TG: variants seen among roughly 807,000 people sequenced by gnomAD.
TG encodes thyroid hormones.
A neutral mutation model predicts 324.7 loss-of-function variants in TG; 270 were observed. The ratio of observed to expected loss-of-function variants is 0.83; its 90% CI spans 0.75 to 0.92. TG has a LOEUF of 0.92. Ranked by LOEUF, TG falls within the 40% of genes least tolerant of loss-of-function variation. The pLI is 0.00. For synonymous variants in TG, 1,401 were observed against 1,327.0 expected (o/e 1.06, Z -1.21); for missense variants, 3,591 against 3,456.4 (o/e 1.04, Z -0.98).
intron 40 of TG, among the ~76,000 whole-genome samples, chr8:133,022,656 T>C (rs1835666853): frequency 6.6e-6 from 1 of 152,130 alleles, no homozygotes. Context: ...GGCCTGTCCC[T>C]CATCACAAAC....
intron 35 of TG, among the ~76,000 whole-genome samples, chr8:133,003,822 G>T (rs1833783542): frequency 6.6e-6 from 1 of 152,098 alleles, no homozygotes; most frequent in African/African-American, 2.4e-5. Context: ...AGCAGCTCTG[G>T]TTTGCAGGGG....
At chr8:133,119,821 T>C (rs1191927017) in intron 45 of TG, among the ~76,000 whole-genome samples, 1 of 152,222 alleles carries the variant, frequency 6.6e-6, no homozygotes, top group Non-Finnish European at 1.5e-5. Flanking sequence ...GCCTCAGAAC[T>C]CTTTCCACTC....
At chr8:133,064,444 G>A (rs1157000772) in intron 41 of TG, among the ~76,000 whole-genome samples, 1 of 152,172 alleles carries the variant, frequency 6.6e-6, no homozygotes, top group Non-Finnish European at 1.5e-5. Flanking sequence ...CATTCCCAAG[G>A]GCAGATACTC....
intron 41 of TG, among the ~76,000 whole-genome samples, chr8:133,052,387 A>G (rs1840577331): frequency 1.3e-5 from 2 of 152,356 alleles, no homozygotes; most frequent in South Asian, 4.1e-4. Flanking sequence ...TGGGTGTAAG[A>G]CAGAAACCAA....
chr8:133,003,546 CA>C (rs1426887561), intron 35 of TG, among the ~76,000 whole-genome samples: 4 of 151,994 alleles, frequency 2.6e-5, no homozygotes, highest in Admixed American at 2.6e-4. Context: ...ATACATATAT[CA>C]TAACCTTGTA....
chr8:133,022,021 C>T lies in TG; in HGVS notation c.6907C>T (p.His2303Tyr), dbSNP rs1178302524. The T allele has an allele frequency of 3.1e-6, 5 of 1,614,148 alleles. No homozygotes were observed. In the East Asian group the frequency reaches 6.7e-5, roughly 22 times the overall value. Residue 2303 changes from histidine to tyrosine, a missense_variant, in exon 40 of 48, where the codon CAC becomes TAC. By Grantham distance (83) the His-to-Tyr change is moderately conservative. Coordinates refer to ENST00000220616, the MANE Select transcript of TG (RefSeq NM_003235.5). Reference protein sequence around the residue: ...APNASVLVFFHNTMDREESEG... With the variant: ...APNASVLVFFYNTMDREESEG... ...TAACGCGTCTGTGCTGGTGTTCTTC[C>T]ACAACACCATGGACAGGGAGGAGAG... is the stretch of plus-strand genomic sequence containing the variant.
At position 133,068,773 on chromosome 8, in the gene TG, T is replaced by C. The variant is rs2739147; in HGVS notation, c.7240-26271T>C. On this transcript the variant is annotated intron_variant, in intron 41 of 47. Coordinates refer to ENST00000220616, the MANE Select transcript of TG (RefSeq NM_003235.5). ...TTCCTGACGTGGCTTTGATAGTTCA[T>C]GGAAATAAAAAGAGCCCATTTCTTT... 4.6e-5 allele frequency among the ~76,000 whole-genome samples: 7 copies of C among 152,242 alleles called. No individual in the cohort carries two copies. The South Asian group carries it at 1.4e-3, about 31-fold the overall frequency.
At position 132,871,334 on chromosome 8, in the gene TG, C is replaced by G. The variant is rs1342181985; in HGVS notation, c.275-14C>G. Reference sequence around the variant, plus strand: ...CCCTGCAGTTCTATCTAACATTGCTCCTTGTACCCACAGGTCTGTCATTTT... The same window carrying G: ...CCCTGCAGTTCTATCTAACATTGCTGCTTGTACCCACAGGTCTGTCATTTT... On this transcript the variant is annotated splice_polypyrimidine_tract_variant and intron_variant, in intron 3 of 47. Coordinates refer to ENST00000220616, the MANE Select transcript of TG (RefSeq NM_003235.5). 23 of 1,613,910 alleles carry G rather than the reference C, an allele frequency of 1.4e-5. No homozygotes were observed. The highest frequency in any genetic ancestry group is 1.7e-5 in the Non-Finnish European group (20 of 1,179,898).
chr8:132,931,847 G>A (rs1201716262), intron 23 of TG, among the ~76,000 whole-genome samples: 1 of 152,162 alleles, frequency 6.6e-6, no homozygotes, highest in Non-Finnish European at 1.5e-5. Flanking sequence ...TGTAATGCCA[G>A]GACTTTGGGA....
intron 20 of TG, among the ~76,000 whole-genome samples, chr8:132,913,669 T>C (rs2687822): frequency 0.41 from 62,380 of 152,012 alleles, 15,603 homozygotes; most frequent in Admixed American, 0.54. Context: ...TGGTTCCTGA[T>C]TGAGGTTCAC....
In TG at chr8:133,017,862, T is replaced by G; in HGVS notation, c.6647T>G (p.Ile2216Ser). 6.2e-7 allele frequency: 1 copy of G among 1,614,164 alleles called. No individual in the cohort carries two copies. ...CGGCTGCTGGGCAGGTCCCAGGCCA[T>G]CCAGGTGGGTACCTCATGGAAGCAA... ...HGRLLGRSQA[I>S]QVGTSWKQVD... The change falls in exon 38 of 48, where the codon ATC (isoleucine) becomes AGC (serine). Residue 2216 changes from isoleucine to serine, a missense_variant. Physicochemically the swap from Ile to Ser is moderately radical, Grantham distance 142 (BLOSUM62 -2). Transcript: ENST00000220616.
At chr8:133,112,129 TGTGCC>T (rs1850302076) in intron 43 of TG, among the ~76,000 whole-genome samples, 2 of 151,686 alleles carry the variant, frequency 1.3e-5, no homozygotes, top group South Asian at 4.2e-4. Flanking sequence ...CAGGAGTGGC[TGTGCC>T]CACCCAGGAG....
At chr8:133,089,440 C>A (rs1847148679) in intron 41 of TG, among the ~76,000 whole-genome samples, 1 of 152,166 alleles carries the variant, frequency 6.6e-6, no homozygotes, top group African/African-American at 2.4e-5. Context: ...CAGGAAATTC[C>A]CAAGCCCTTT....
At chr8:132,886,308 A>G (rs377584457) in intron 8 of TG, 140 bp from the exon 9 acceptor site, 35 of 1,222,728 alleles carry the variant, frequency 2.9e-5, no homozygotes, top group South Asian at 2.7e-4. Context: ...ATAAAATGAC[A>G]CAGAGAAGAA....
chr8:133,049,706 G>A, intron 41 of TG: 1 of 576,322 alleles, frequency 1.7e-6, no homozygotes, highest in East Asian at 2.9e-5. Flanking sequence ...TGAGGGAGAA[G>A]TTGAGTCCCA....
intron 5 of TG, among the ~76,000 whole-genome samples, chr8:132,874,930 C>T (rs1366292974): frequency 6.6e-6 from 1 of 152,168 alleles, no homozygotes; most frequent in African/African-American, 2.4e-5. Context: ...TGTTGCCACA[C>T]CACTGCCTAC....
At chr8:132,972,787 T>G in intron 34 of TG, 46 bp downstream of exon 34, 1 of 1,611,802 alleles carries the variant, frequency 6.2e-7, no homozygotes, top group Non-Finnish European at 8.5e-7. Flanking sequence ...TTTAGTTAAC[T>G]ATTTCCCAGC....
intron 41 of TG, among the ~76,000 whole-genome samples, chr8:133,069,832 T>C (rs1373255960): frequency 6.6e-6 from 1 of 151,230 alleles, no homozygotes; most frequent in Non-Finnish European, 1.5e-5. Flanking sequence ...AAAAATCTCA[T>C]CTTGACTAAA....
chr8:132,887,970 T>C lies in TG; in HGVS notation c.2177-14T>C. 1 of 1,608,978 alleles carries C rather than the reference T, an allele frequency of 6.2e-7. No homozygotes were observed. The highest frequency in any genetic ancestry group is 8.5e-7 in the Non-Finnish European group (1 of 1,177,394). The stretch of plus-strand genomic sequence containing the variant: ...TTTCTTAAACTGAAACACCTGCTCA[T>C]TGTTCCTCCCCAGGCCCCACGCCCT... On this transcript the variant is annotated splice_polypyrimidine_tract_variant and intron_variant, in intron 9 of 47. Transcript: ENST00000220616.
Sources: gnomAD v4.1 joint callset for allele counts (sites outside exome capture counted in the v4.1 genomes callset) on GRCh38, gnomAD v4.1.1 for gene constraint, MANE v1.5 for transcripts, NCBI Gene and HGNC (gene_info 2026-07-23, HGNC 2026-07-21) for gene names.